Variants in MACO1 observed in about 807,000 individuals in gnomAD.
MACO1 encodes macoilin 1, also known as macoilin.
In MACO1, 14 loss-of-function variants were observed where a neutral mutation model predicts 78.7. The observed-to-expected ratio is 0.18, with a 90% CI of 0.12 to 0.28. The LOEUF is 0.28. MACO1 is among the 10% of genes least tolerant of loss of function. The probability of loss-of-function intolerance (pLI) is 1.00; values close to 1 mark genes in which losing one functional copy is unlikely to be tolerated. For missense variants in MACO1, 501 were observed against 799.0 expected (o/e 0.63, Z 4.50); for synonymous variants, 288 against 291.6 (o/e 0.99, Z 0.12).
At chr1:25,449,893 C>G (rs1335274555) in intron 3 of MACO1, among the ~76,000 whole-genome samples, 1 of 152,156 alleles carries the variant, frequency 6.6e-6, no homozygotes, top group African/African-American at 2.4e-5. Flanking sequence ...GTGGCACATG[C>G]CTGTAATCCC....
intron 1 of MACO1, among the ~76,000 whole-genome samples, chr1:25,438,782 A>T (rs1292929308): frequency 1.3e-5 from 2 of 152,208 alleles, no homozygotes; most frequent in Non-Finnish European, 2.9e-5. Context: ...ATGCGCCTGT[A>T]ATCCCAGCTA....
intron 6 of MACO1, among the ~76,000 whole-genome samples, chr1:25,465,855 C>G (rs1195162665): frequency 2.0e-5 from 3 of 152,206 alleles, no homozygotes; most frequent in Non-Finnish European, 4.4e-5. Flanking sequence ...TGAGTACAAA[C>G]ATGTAATATC....
At chr1:25,468,421 G>A (rs1443111965) in intron 6 of MACO1, among the ~76,000 whole-genome samples, 2 of 152,174 alleles carry the variant, frequency 1.3e-5, no homozygotes, top group African/African-American at 4.8e-5. Context: ...CCTGCAGAGA[G>A]GCCACCATTA....
chr1:25,492,847 A>G (rs2043499293), intron 10 of MACO1, among the ~76,000 whole-genome samples: 1 of 152,186 alleles, frequency 6.6e-6, no homozygotes, highest in African/African-American at 2.4e-5. Flanking sequence ...AGAGTACTGA[A>G]AAGAATTTTC....
intron 6 of MACO1, among the ~76,000 whole-genome samples, chr1:25,464,436 C>T (rs768311235): frequency 1.8e-4 from 27 of 146,062 alleles, no homozygotes; most frequent in Non-Finnish European, 3.6e-4. Context: ...CCTCCACCTC[C>T]CAGGTTCAAG....
chr1:25,495,573 G>A (rs1404166501), intron 10 of MACO1, among the ~76,000 whole-genome samples: 1 of 152,110 alleles, frequency 6.6e-6, no homozygotes, highest in Non-Finnish European at 1.5e-5. Context: ...TTGTGCTCAG[G>A]ATATTCTAAT....
At position 25,485,534 on chromosome 1, in the gene MACO1, T is replaced by C. The variant is rs1268285166; in HGVS notation, c.1314-79T>C. On this transcript the variant is annotated intron_variant, in intron 7 of 10. Coordinates refer to ENST00000374343, the MANE Select transcript of MACO1 (RefSeq NM_018202.6). This position sits in a 1 kb window ranked among gnomAD's most constrained non-coding sequence, Gnocchi z 4.3. ...ACCTCCTGTTTAATTGGCCTTAAGG[T>C]GATAAAGAGATGTTTCTCAAGGGTT... 1 of 1,447,882 alleles carries C rather than the reference T, an allele frequency of 6.9e-7. No individual in the cohort carries two copies. Among genetic ancestry groups the C allele is most frequent in the African/African-American group, 1.4e-5 (1 of 70,324 alleles). The allele number at this position is 1,447,882 out of a possible 1,614,324, so 89.7% of individuals were successfully genotyped here.
At chr1:25,456,535 C>A in intron 4 of MACO1, 118 bp from the exon 5 acceptor site, 1 of 1,042,438 alleles carries the variant, frequency 9.6e-7, no homozygotes, top group Non-Finnish European at 1.4e-6. Context: ...CTCTTCTCAA[C>A]TACCATCATC....
chr1:25,475,658 T>A (rs1464978733), intron 6 of MACO1, among the ~76,000 whole-genome samples: 1 of 152,140 alleles, frequency 6.6e-6, no homozygotes, highest in Non-Finnish European at 1.5e-5. Context: ...AGAGTGTCAG[T>A]GAATGCGGAA....
chr1:25,433,791 A>G (rs933346561), intron 1 of MACO1, among the ~76,000 whole-genome samples: 5 of 152,360 alleles, frequency 3.3e-5, no homozygotes, highest in African/African-American at 7.2e-5. Flanking sequence ...TAAAGGAGAT[A>G]TGTACAGTTT....
intron 5 of MACO1, among the ~76,000 whole-genome samples, chr1:25,458,177 G>C (rs2043139392): frequency 6.6e-6 from 1 of 152,122 alleles, no homozygotes; most frequent in South Asian, 2.1e-4. Flanking sequence ...TCTAAATGTA[G>C]AGTTTCTCAA....
At chr1:25,475,248 G>C (rs1035637568) in intron 6 of MACO1, among the ~76,000 whole-genome samples, 1 of 152,126 alleles carries the variant, frequency 6.6e-6, no homozygotes. Context: ...GGGAGGCTGA[G>C]GCAGGAGAAT....
At chr1:25,442,981 A>G (rs990339166) in intron 1 of MACO1, among the ~76,000 whole-genome samples, 2 of 152,248 alleles carry the variant, frequency 1.3e-5, no homozygotes, top group African/African-American at 4.8e-5. Context: ...GCCATGAGTC[A>G]TATAATGAAC....
At chr1:25,467,538 T>A (rs2124594409) in intron 6 of MACO1, among the ~76,000 whole-genome samples, 1 of 152,352 alleles carries the variant, frequency 6.6e-6, no homozygotes, top group East Asian at 1.9e-4. Flanking sequence ...GTCTCTTCTC[T>A]GTTTATTTCC....
At chr1:25,440,405 G>GAA (rs35855810) in intron 1 of MACO1, among the ~76,000 whole-genome samples, 6,558 of 124,328 alleles carry the variant, frequency 0.053, 532 homozygotes, top group African/African-American at 0.18. Context: ...CCAGTTCTGG[G>GAA]AAAAAAAAAA....
intron 1 of MACO1, among the ~76,000 whole-genome samples, chr1:25,439,833 A>G (rs896458489): frequency 6.6e-6 from 1 of 151,912 alleles, no homozygotes; most frequent in African/African-American, 2.4e-5. Context: ...AGCCTGACCA[A>G]CTTGGAGAAA....
chr1:25,466,225 A>G (rs1271812499), intron 6 of MACO1, among the ~76,000 whole-genome samples: 1 of 152,196 alleles, frequency 6.6e-6, no homozygotes, highest in East Asian at 1.9e-4. Context: ...TTACATTCTC[A>G]CCAGCAGTGT....
At chr1:25,496,792 GT>G (rs1418232075) in intron 10 of MACO1, among the ~76,000 whole-genome samples, 4 of 152,196 alleles carry the variant, frequency 2.6e-5, no homozygotes, top group African/African-American at 9.6e-5. Context: ...CAAATGAATA[GT>G]TGCCAGAGAT....
At chr1:25,498,036 T>C (rs539255067) in intron 10 of MACO1, among the ~76,000 whole-genome samples, 4 of 152,240 alleles carry the variant, frequency 2.6e-5, no homozygotes, top group South Asian at 2.1e-4. Context: ...TTTACATTTT[T>C]CCATGGCTGG....
Sources: allele counts gnomAD v4.1 joint callset (sites outside exome capture counted in the v4.1 genomes callset), GRCh38; gene constraint gnomAD v4.1.1; non-coding constraint Gnocchi (gnomAD v3.1); transcripts MANE v1.5; gene names NCBI Gene and HGNC (gene_info 2026-07-23, HGNC 2026-07-21).